The following ZNF831 variants were observed in gnomAD, a reference collection of about 807,000 sequenced individuals.
The protein encoded by ZNF831 is zinc finger protein 831.
In ZNF831, 59 loss-of-function variants were observed where a neutral mutation model predicts 95.8. The ratio of observed to expected loss-of-function variants is 0.62; its 90% CI spans 0.50 to 0.77. The LOEUF (loss-of-function observed/expected upper bound fraction) is 0.77, where lower values mean the gene tolerates loss of function less well. Ranked by LOEUF, ZNF831 falls within the 30% of genes least tolerant of loss-of-function variation. The pLI is 0.00. For synonymous variants in ZNF831, 961 were observed against 925.5 expected, an observed-to-expected ratio of 1.04 and a Z score of -0.70; for missense variants, 2,205 against 2,164.0, an observed-to-expected ratio of 1.02 and a Z score of -0.38.
At chr20:59,203,945 A>G in intron 3 of ZNF831, among the ~76,000 whole-genome samples, 1 of 152,182 alleles carries the variant, frequency 6.6e-6, no homozygotes, top group East Asian at 1.9e-4. Context: ...CAAGCGCGGG[A>G]TCATGGAATT....
rs374548325 is a variant in ZNF831 at position 59,193,388 on chromosome 20, G to A, written c.2369G>A (p.Arg790Gln). The A allele has an allele frequency of 2.2e-5, 36 of 1,603,770 alleles. No homozygotes were observed. In the East Asian group the frequency reaches 2.5e-4, roughly 11 times the overall value. ...GACCCCAAGCTGGAAGGAGGTGCCC[G>A]AGGTGTGGGGGATGTTCAGGAGACC... ...WPDPKLEGGA[R>Q]GVGDVQETCL... Residue 790 changes from arginine (R) to glutamine (Q), a missense_variant, in exon 2 of 6, where the codon CGA becomes CAA. Transcript: ENST00000371030.
At chr20:59,181,476 G>T (rs1982612523) in intron 1 of ZNF831, among the ~76,000 whole-genome samples, 1 of 152,100 alleles carries the variant, frequency 6.6e-6, no homozygotes, top group Non-Finnish European at 1.5e-5. Context: ...GTATTGCCTA[G>T]GTTTTCTTCT....
At chr20:59,149,979 C>T (rs929354814) in intron 2 of ZNF831, among the ~76,000 whole-genome samples, 1 of 152,238 alleles carries the variant, frequency 6.6e-6, no homozygotes, top group African/African-American at 2.4e-5. Flanking sequence ...CCATGGCCCG[C>T]CTTTTCCTCT....
At chr20:59,230,172 CT>C (rs1986646395) in intron 4 of ZNF831, among the ~76,000 whole-genome samples, 1 of 152,186 alleles carries the variant, frequency 6.6e-6, no homozygotes, top group Admixed American at 6.5e-5. Flanking sequence ...CGTTGGCAAA[CT>C]TTTGCTGTAA....
chr20:59,169,899 C>CAA lies in ZNF831; in HGVS notation c.-37+5701_-37+5702dup, dbSNP rs368332348. On this transcript the variant is annotated intron_variant, in intron 1 of 5. Coordinates refer to ENST00000371030, the MANE Select transcript of ZNF831 (RefSeq NM_178457.3). This position sits in a 1 kb window ranked among gnomAD's most constrained non-coding sequence, Gnocchi z 4.1. ...TGGGCAATAGAGCAAGACTCTGTCT[C>CAA]AAAAAAAAAAGGTGAATTTTATTAA... is the stretch of plus-strand genomic sequence containing the variant. Among the ~76,000 whole-genome samples the CAA allele has an allele frequency of 1.6e-4, 23 of 146,228 alleles. No homozygotes were observed. The highest frequency in any genetic ancestry group is 6.5e-4 in the South Asian group (3 of 4,592).
intron 4 of ZNF831, among the ~76,000 whole-genome samples, chr20:59,224,987 G>A (rs970723466): frequency 4.0e-5 from 6 of 151,620 alleles, no homozygotes; most frequent in African/African-American, 1.5e-4. Context: ...ATTCTGTAGA[G>A]TAGAATACTG....
chr20:59,177,516 A>G (rs1177515902), intron 1 of ZNF831, among the ~76,000 whole-genome samples: 3 of 152,118 alleles, frequency 2.0e-5, no homozygotes, highest in Admixed American at 6.6e-5. Flanking sequence ...TCATTCCACC[A>G]CTAGGTTCCC....
intron 4 of ZNF831, among the ~76,000 whole-genome samples, chr20:59,214,748 T>A (rs1459891732): frequency 6.6e-6 from 1 of 152,222 alleles, no homozygotes; most frequent in Non-Finnish European, 1.5e-5. Flanking sequence ...TGCCGAAGAT[T>A]CTCTGTTGTG....
In ZNF831 at chr20:59,193,264, G is replaced by A. The variant is rs745461638; in HGVS notation, c.2245G>A (p.Val749Ile). ...SPCSGSRSPL[V>I]SPNGRLELGW... is the part of the protein sequence containing the mutation. ...CTGTTCAGGCAGTAGGAGCCCCCTG[G>A]TCTCTCCAAATGGGAGGCTGGAACT... is the stretch of plus-strand genomic sequence containing the variant. The change falls in exon 2 of 6, where the codon GTC (valine) becomes ATC (isoleucine). Residue 749 changes from valine (V) to isoleucine (I), a missense_variant. Coordinates refer to ENST00000371030, the MANE Select transcript of ZNF831 (RefSeq NM_178457.3). The A allele has an allele frequency of 6.8e-6, 11 of 1,608,220 alleles. No homozygotes were observed. The highest frequency in any genetic ancestry group is 9.3e-6 in the Non-Finnish European group (11 of 1,177,426).
At chr20:59,170,282 A>G (rs1981623271) in intron 1 of ZNF831, among the ~76,000 whole-genome samples, 1 of 152,110 alleles carries the variant, frequency 6.6e-6, no homozygotes, top group Non-Finnish European at 1.5e-5. Context: ...AGTGCTATAA[A>G]TTTCCCTCCC....
At position 59,253,983 on chromosome 20, in the gene ZNF831, C is replaced by T. The variant is rs1462086471; in HGVS notation, c.4274C>T (p.Thr1425Ile). The T allele has an allele frequency of 6.2e-7, 1 of 1,612,902 alleles. No homozygotes were observed. Among genetic ancestry groups the T allele is most frequent in the African/African-American group, 1.3e-5 (1 of 74,722 alleles). Reference protein sequence around the residue: ...ATSGLSLQSDTCLAVVNDVPL... With the variant: ...ATSGLSLQSDICLAVVNDVPL... ...TCAGGATTATCTCTGCAATCTGACA[C>T]CTGCCTGGCAGTGGTTAATGACGTG... Residue 1425 changes from threonine to isoleucine, a missense_variant, in exon 6 of 6, where the codon ACC (threonine) becomes ATC (isoleucine). Physicochemically the swap from Thr to Ile is moderately conservative, Grantham distance 89. Coordinates refer to ENST00000371030, the MANE Select transcript of ZNF831 (RefSeq NM_178457.3).
chr20:59,204,096 T>C (rs1368243373), intron 3 of ZNF831, among the ~76,000 whole-genome samples: 2 of 152,184 alleles, frequency 1.3e-5, no homozygotes, highest in African/African-American at 2.4e-5. Context: ...GAGGAGAAGA[T>C]TGCAGGTTGT....
intron 1 of ZNF831, among the ~76,000 whole-genome samples, chr20:59,137,834 G>T (rs1979558594): frequency 6.6e-6 from 1 of 152,132 alleles, no homozygotes; most frequent in African/African-American, 2.4e-5. Context: ...CACATCCTAA[G>T]CCCTTCATTT....
rs764842217 is a variant in ZNF831, at chr20:59,191,669, G to A, written c.650G>A (p.Gly217Glu). The change falls in exon 2 of 6, where the codon GGG becomes GAG. Residue 217 changes from glycine to glutamate, a missense_variant. Coordinates refer to ENST00000371030, the MANE Select transcript of ZNF831 (RefSeq NM_178457.3). Reference protein sequence around the residue: ...EGAGGGLLEEGDKAGEPPRPE... With the variant: ...EGAGGGLLEEEDKAGEPPRPE... ...GCCGGGGGCGGCCTCCTGGAGGAAG[G>A]GGACAAGGCCGGAGAGCCCCCCAGA... 6 of 1,558,182 alleles carry A rather than the reference G, an allele frequency of 3.9e-6. No individual in the cohort carries two copies. The Admixed American group carries it at 9.3e-5, about 24-fold the overall frequency.
chr20:59,188,744 T>C (rs953487796), intron 1 of ZNF831, among the ~76,000 whole-genome samples: 2 of 152,260 alleles, frequency 1.3e-5, no homozygotes, highest in African/African-American at 4.8e-5. Context: ...GGATATATCA[T>C]GCATATAATT....
chr20:59,139,903 T>C (rs1030782546), intron 1 of ZNF831, among the ~76,000 whole-genome samples: 1 of 152,194 alleles, frequency 6.6e-6, no homozygotes, highest in African/African-American at 2.4e-5. Flanking sequence ...TTCAGAAGAA[T>C]TGGACTCAGT....
At chr20:59,178,126 G>T (rs1289170614) in intron 1 of ZNF831, among the ~76,000 whole-genome samples, 1 of 152,212 alleles carries the variant, frequency 6.6e-6, no homozygotes, top group African/African-American at 2.4e-5. Flanking sequence ...AGCTGTGAGG[G>T]CCATGTGGGG....
rs867090847 is a variant in ZNF831, at chr20:59,169,539, G to A, written c.-37+5332G>A. Among the ~76,000 whole-genome samples the A allele has an allele frequency of 3.3e-5, 5 of 152,154 alleles. No homozygotes were observed. Among genetic ancestry groups the A allele is most frequent in the African/African-American group, 1.2e-4 (5 of 41,440 alleles). On this transcript the variant is annotated intron_variant, in intron 1 of 5. Transcript: ENST00000371030. This position sits in a 1 kb window ranked among gnomAD's most constrained non-coding sequence, Gnocchi z 4.1. ...CCAGCACTTTGGGAGGCTGAGATGG[G>A]TGGATCACTTGAGGCCAGGAGTTCG... is the stretch of plus-strand genomic sequence containing the variant.
intron 4 of ZNF831, among the ~76,000 whole-genome samples, chr20:59,244,049 G>C (rs932772755): frequency 6.6e-6 from 1 of 152,028 alleles, no homozygotes; most frequent in Non-Finnish European, 1.5e-5. Flanking sequence ...CTTACCAAAA[G>C]ATTTTAAGCA....
Sources: gnomAD v4.1 joint callset for allele counts (sites outside exome capture counted in the v4.1 genomes callset) on GRCh38, gnomAD v4.1.1 for gene constraint, Gnocchi (gnomAD v3.1) non-coding constraint, MANE v1.5 for transcripts, NCBI Gene and HGNC (gene_info 2026-07-23, HGNC 2026-07-21) for gene names.